Variants in ANKRD44 observed in about 807,000 individuals in gnomAD.
The protein encoded by ANKRD44 is serine/threonine-protein phosphatase 6 regulatory ankyrin repeat subunit B.
ANKRD44 carries 35 observed loss-of-function variants against 116.0 expected under a neutral mutation model. The ratio of observed to expected loss-of-function variants is 0.30; its 90% CI spans 0.23 to 0.40. The LOEUF is 0.40. Among genes scored for constraint, ANKRD44 ranks in the 10% least tolerant of loss-of-function variants. The pLI is 1.00. For missense variants in ANKRD44, 1,014 were observed against 1,242.6 expected (o/e 0.82, Z 2.77); for synonymous variants, 435 against 461.8 (o/e 0.94, Z 0.74).
At chr2:197,289,874 C>G (rs938617278) in intron 1 of ANKRD44, among the ~76,000 whole-genome samples, 1 of 144,272 alleles carries the variant, frequency 6.9e-6, no homozygotes, top group Admixed American at 6.9e-5. Context: ...CAATTTTTCT[C>G]TTTTTTTTTT....
chr2:197,210,180 T>C (rs2081294243), intron 1 of ANKRD44, among the ~76,000 whole-genome samples: 1 of 152,182 alleles, frequency 6.6e-6, no homozygotes, highest in Non-Finnish European at 1.5e-5. Flanking sequence ...GTTGGGTGTT[T>C]CGAATGGAGA....
intron 1 of ANKRD44, among the ~76,000 whole-genome samples, chr2:197,283,870 T>C (rs2083333060): frequency 6.6e-6 from 1 of 152,176 alleles, no homozygotes; most frequent in South Asian, 2.1e-4. Flanking sequence ...AAGGAGGGGT[T>C]TGAATTTTGG....
chr2:197,069,126 G>T (rs546849822), intron 16 of ANKRD44, among the ~76,000 whole-genome samples: 11 of 152,190 alleles, frequency 7.2e-5, no homozygotes, highest in African/African-American at 2.4e-4. Context: ...CCATAAAAAA[G>T]GATGAGTTCA....
chr2:197,174,025 T>G (rs2080303812), intron 2 of ANKRD44, among the ~76,000 whole-genome samples: 1 of 152,152 alleles, frequency 6.6e-6, no homozygotes, highest in Non-Finnish European at 1.5e-5. Flanking sequence ...AGAGTGAGAC[T>G]TAGTCTCAAA....
intron 10 of ANKRD44, among the ~76,000 whole-genome samples, chr2:197,095,774 T>C (rs2078147073): frequency 6.6e-6 from 1 of 152,116 alleles, no homozygotes; most frequent in Non-Finnish European, 1.5e-5. Flanking sequence ...ACTTACCTCA[T>C]GAGGTTATGG....
chr2:197,040,248 AAAAAC>A (rs1189347721), intron 16 of ANKRD44, among the ~76,000 whole-genome samples: 1 of 151,630 alleles, frequency 6.6e-6, no homozygotes, highest in Admixed American at 6.6e-5. Context: ...ATCTCAACAA[AAAAAC>A]AAAACAAAAC....
At chr2:196,968,307 G>A (rs1478482021) in intron 21 of ANKRD44, among the ~76,000 whole-genome samples, 1 of 152,158 alleles carries the variant, frequency 6.6e-6, no homozygotes, top group African/African-American at 2.4e-5. Flanking sequence ...TCCAGGAATG[G>A]TTCCACAAAG....
intron 16 of ANKRD44, among the ~76,000 whole-genome samples, chr2:197,064,643 G>A (rs1427679214): frequency 2.0e-5 from 3 of 152,032 alleles, no homozygotes; most frequent in African/African-American, 7.3e-5. Flanking sequence ...AAAAGGCAGG[G>A]GTTGCAATCC....
At chr2:197,307,163 G>A (rs1019989967) in intron 1 of ANKRD44, among the ~76,000 whole-genome samples, 3 of 152,118 alleles carry the variant, frequency 2.0e-5, no homozygotes, top group Non-Finnish European at 4.4e-5. Flanking sequence ...TGAGTCAAAT[G>A]CCTTAGATCT....
chr2:197,121,618 C>A, intron 7 of ANKRD44, 74 bp from the exon 8 acceptor site: 1 of 1,296,484 alleles, frequency 7.7e-7, no homozygotes, highest in Non-Finnish European at 1.1e-6. Context: ...AAAAGCATAA[C>A]GGCTGTGGCT....
chr2:197,164,643 C>T (rs1447958649), intron 2 of ANKRD44, among the ~76,000 whole-genome samples: 2 of 152,166 alleles, frequency 1.3e-5, no homozygotes, highest in African/African-American at 2.4e-5. Flanking sequence ...CCCCGGACCT[C>T]AGGTCGCTGG....
At chr2:197,224,787 T>G (rs773468684) in intron 1 of ANKRD44, among the ~76,000 whole-genome samples, 3 of 152,228 alleles carry the variant, frequency 2.0e-5, no homozygotes, top group Non-Finnish European at 4.4e-5. Flanking sequence ...ATGATAAACA[T>G]TGGTTGTTTC....
At chr2:197,166,438 A>C (rs2125520963) in intron 2 of ANKRD44, among the ~76,000 whole-genome samples, 1 of 152,364 alleles carries the variant, frequency 6.6e-6, no homozygotes, top group South Asian at 2.1e-4. Context: ...TTCTATAAGC[A>C]CTTAAGATAC....
At chr2:197,014,400 A>G (rs1000370495) in intron 17 of ANKRD44, among the ~76,000 whole-genome samples, 4 of 152,200 alleles carry the variant, frequency 2.6e-5, no homozygotes, top group African/African-American at 9.7e-5. Flanking sequence ...CCTGATTACA[A>G]TGAAAAACAT....
chr2:197,294,750 A>G (rs1038223631), intron 1 of ANKRD44, among the ~76,000 whole-genome samples: 2 of 152,102 alleles, frequency 1.3e-5, no homozygotes, highest in Non-Finnish European at 2.9e-5. Flanking sequence ...TGACCTTTAA[A>G]CTGTGTTTGC....
At chr2:197,068,936 T>A (rs557165657) in intron 16 of ANKRD44, among the ~76,000 whole-genome samples, 2 of 152,184 alleles carry the variant, frequency 1.3e-5, no homozygotes, top group Non-Finnish European at 2.9e-5. Flanking sequence ...GACCCAGCCA[T>A]CCCATTACTG....
chr2:197,243,511 G>T (rs893675332), intron 1 of ANKRD44, among the ~76,000 whole-genome samples: 3 of 152,118 alleles, frequency 2.0e-5, no homozygotes, highest in Non-Finnish European at 4.4e-5. Context: ...AAATATAACT[G>T]AAAACTCAGA....
Position 197,129,140 on chromosome 2 carries a change from C to CT in ANKRD44, c.262-3104dup, listed in dbSNP as rs761063333. On this transcript the variant is annotated intron_variant, in intron 4 of 27. Coordinates refer to ENST00000282272, the MANE Select transcript of ANKRD44 (RefSeq NM_001195144.2). ...TCAAAGCCTTTGTTTGTTTCTTTTT[C>CT]TTTTTTTTTTTTTTGAGATAGAGTC... Among the ~76,000 whole-genome samples, 1,065 of 142,062 alleles carry CT rather than the reference C, an allele frequency of 7.5e-3. 6 individuals carry two copies. The highest frequency in any genetic ancestry group is 0.01 in the African/African-American group (405 of 39,132). The allele number at this position is 142,062 out of a possible 152,430, so 93.2% of individuals were successfully genotyped here.
intron 2 of ANKRD44, among the ~76,000 whole-genome samples, chr2:197,168,232 G>T (rs967705955): frequency 2.0e-5 from 3 of 152,216 alleles, no homozygotes; most frequent in African/African-American, 7.2e-5. Flanking sequence ...CACTGTGCCT[G>T]TTGGAATTCT....
Sources: allele counts gnomAD v4.1 joint callset (sites outside exome capture counted in the v4.1 genomes callset), GRCh38; gene constraint gnomAD v4.1.1; transcripts MANE v1.5; gene names NCBI Gene and HGNC (gene_info 2026-07-23, HGNC 2026-07-21).